The following TRMT9B variants were observed in gnomAD, a reference collection of about 807,000 sequenced individuals.
TRMT9B encodes the protein tRNA methyltransferase 9B (putative), also known as probable tRNA methyltransferase 9B.
Under a neutral mutation model 11.5 loss-of-function variants are expected in TRMT9B, and 16 were observed. That is an observed-to-expected ratio of 1.39 (90% CI 0.94 to 2.11). The LOEUF (loss-of-function observed/expected upper bound fraction) is 2.11, where lower values mean the gene tolerates loss of function less well. Among genes scored for constraint, TRMT9B ranks in the 30% most tolerant of loss-of-function variants. The probability of loss-of-function intolerance (pLI) is 0.00; values close to 1 mark genes in which losing one functional copy is unlikely to be tolerated. For synonymous variants in TRMT9B, 274 were observed against 192.4 expected, an observed-to-expected ratio of 1.42 and a Z score of -3.51; for missense variants, 941 against 553.8, an observed-to-expected ratio of 1.70 and a Z score of -7.02.
intron 4 of TRMT9B, among the ~76,000 whole-genome samples, chr8:13,018,791 C>G (rs944008198): frequency 1.3e-5 from 2 of 152,200 alleles, no homozygotes; most frequent in African/African-American, 4.8e-5. Context: ...ACGAAGTTAT[C>G]TAACTCGTAT....
At position 13,024,959 on chromosome 8, in the gene TRMT9B, A is replaced by G. The variant is rs1814513905; in HGVS notation, c.*2915A>G. ...ACTAATGTAAACGTCTTGATCATTTAAAAAGCTTGCTTGTCCTCGAAAGGA... is the reference window on the plus strand; with the variant it reads ...ACTAATGTAAACGTCTTGATCATTTGAAAAGCTTGCTTGTCCTCGAAAGGA... On this transcript the variant is annotated 3_prime_UTR_variant, in exon 5 of 5. Transcript: ENST00000524591. 1 of 167,070 alleles carries G rather than the reference A, an allele frequency of 6.0e-6. No homozygotes were observed. The highest frequency in any genetic ancestry group is 2.4e-5 in the African/African-American group (1 of 41,444). The allele number at this position is 167,070 out of a possible 1,614,324, so 10.3% of individuals were successfully genotyped here.
intron 1 of TRMT9B, among the ~76,000 whole-genome samples, chr8:12,956,755 G>T (rs1401651614): frequency 3.3e-5 from 5 of 152,168 alleles, no homozygotes; most frequent in African/African-American, 9.7e-5. Context: ...TACAGAAATA[G>T]ACATGACTTG....
At chr8:12,967,580 A>G (rs144830546) in intron 1 of TRMT9B, among the ~76,000 whole-genome samples, 4,094 of 152,324 alleles carry the variant, frequency 0.027, 87 homozygotes, top group Middle Eastern at 0.044. Flanking sequence ...TTTCTCCACC[A>G]ATGAACTAAT....
chr8:12,959,446 G>A (rs1168907658), intron 1 of TRMT9B, among the ~76,000 whole-genome samples: 1 of 149,900 alleles, frequency 6.7e-6, no homozygotes, highest in Non-Finnish European at 1.5e-5. Flanking sequence ...TGCCACAACT[G>A]GAAACACTTC....
chr8:12,958,932 C>G (rs569396176), intron 1 of TRMT9B, among the ~76,000 whole-genome samples: 1 of 151,900 alleles, frequency 6.6e-6, no homozygotes, highest in African/African-American at 2.4e-5. Flanking sequence ...CATCACACAC[C>G]GGGGCTTGTC....
chr8:12,981,492 C>G (rs866385032), intron 1 of TRMT9B, among the ~76,000 whole-genome samples: 3 of 152,194 alleles, frequency 2.0e-5, no homozygotes, highest in Non-Finnish European at 4.4e-5. Context: ...AGTGTGACGG[C>G]ACGGAGCATT....
At chr8:12,993,904 C>T (rs550648939) in intron 2 of TRMT9B, among the ~76,000 whole-genome samples, 12 of 152,192 alleles carry the variant, frequency 7.9e-5, no homozygotes, top group Admixed American at 1.3e-4. Flanking sequence ...GTAGCTGGCA[C>T]AATAAAAGGA....
At chr8:12,999,606 T>G (rs1809025884) in intron 2 of TRMT9B, among the ~76,000 whole-genome samples, 1 of 152,212 alleles carries the variant, frequency 6.6e-6, no homozygotes. Flanking sequence ...ACTAAACGTA[T>G]TTAGACCTAT....
chr8:12,980,193 C>G (rs979365217), intron 1 of TRMT9B, among the ~76,000 whole-genome samples: 1 of 152,048 alleles, frequency 6.6e-6, no homozygotes, highest in African/African-American at 2.4e-5. Context: ...GGGCCTGCTC[C>G]CTTTGAATTC....
At position 13,021,298 on chromosome 8, in the gene TRMT9B, T is replaced by A. The variant is rs3739310; in HGVS notation, c.619T>A (p.Cys207Ser). ...CTGTTCTGTTTGTTTTAAAGAGCAG[T>A]GTGGTTCAAAACGGTCCCACAGCGT... The part of the protein sequence containing the change: ...CSCSVCFKEQ[C>S]GSKRSHSVGY... Residue 207 changes from cysteine to serine, a missense_variant, in exon 5 of 5, where the codon TGT becomes AGT. Cys to Ser is a moderately radical substitution (Grantham distance 112, BLOSUM62 -1). Transcript: ENST00000524591. The A allele has an allele frequency of 2.5e-6, 4 of 1,613,820 alleles. No individual in the cohort carries two copies. The highest frequency in any genetic ancestry group is 2.2e-5 in the South Asian group (2 of 91,082).
intron 1 of TRMT9B, among the ~76,000 whole-genome samples, chr8:12,976,907 G>C (rs938180697): frequency 6.6e-6 from 1 of 152,130 alleles, no homozygotes; most frequent in African/African-American, 2.4e-5. Context: ...ATCTGGGAGG[G>C]AGTTGGGGTA....
rs1219361639 is a variant in TRMT9B, at chr8:13,012,669, GT to G, written c.155-10del. On this transcript the variant is annotated splice_polypyrimidine_tract_variant and intron_variant, in intron 3 of 4. Coordinates refer to ENST00000524591, the MANE Select transcript of TRMT9B (RefSeq NM_020844.3). ...CCATTGAGGATAGCATGTAACGCAG[GT>G]TTTTCTCTTATAGGTTGTGGGACTG... 6.2e-7 allele frequency: 1 copy of G among 1,600,796 alleles called. No homozygotes were observed. The highest frequency in any genetic ancestry group is 8.5e-7 in the Non-Finnish European group (1 of 1,172,144).
chr8:12,964,855 G>C (rs116429358), intron 1 of TRMT9B, among the ~76,000 whole-genome samples: 261 of 152,256 alleles, frequency 1.7e-3, no homozygotes, highest in African/African-American at 6.1e-3. Flanking sequence ...GCCTCCCAAA[G>C]TGCTGGGATT....
intron 4 of TRMT9B, among the ~76,000 whole-genome samples, chr8:13,013,906 A>G (rs2460919): frequency 1 from 151,629 of 152,280 alleles, 75,490 homozygotes; most frequent in Middle Eastern, 1. Flanking sequence ...CTGAGATCAC[A>G]CCACTGCACT....
rs2128903984 is a variant in TRMT9B at position 13,022,324 on chromosome 8, A to G, written c.*280A>G. 3.3e-6 allele frequency: 1 copy of G among 306,690 alleles called. No homozygotes were observed. The highest frequency in any genetic ancestry group is 4.8e-5 in the Admixed American group (1 of 20,634). The allele number at this position is 306,690 out of a possible 1,614,324, so 19.0% of individuals were successfully genotyped here. A position where few individuals can be genotyped will look rare whatever the true frequency, so the allele number is the denominator to read the frequency against. ...TCAGTACACCTCAGACTTTTTTTTA[A>G]CCCCAGAGAGATAAAATACATGTAT... On this transcript the variant is annotated 3_prime_UTR_variant, in exon 5 of 5. Coordinates refer to ENST00000524591, the MANE Select transcript of TRMT9B (RefSeq NM_020844.3).
intron 1 of TRMT9B, among the ~76,000 whole-genome samples, chr8:12,983,278 C>G (rs1346670867): frequency 4.0e-5 from 6 of 151,440 alleles, no homozygotes; most frequent in Non-Finnish European, 7.4e-5. Context: ...AGCCATAACA[C>G]AAGAAATCAT....
At chr8:12,987,314 A>T (rs574744106) in intron 1 of TRMT9B, among the ~76,000 whole-genome samples, 41 of 152,336 alleles carry the variant, frequency 2.7e-4, no homozygotes, top group African/African-American at 9.9e-4. Context: ...GGCCCATAGC[A>T]AATAATTAAT....
At chr8:13,002,842 G>C (rs1340458839) in intron 2 of TRMT9B, among the ~76,000 whole-genome samples, 1 of 152,162 alleles carries the variant, frequency 6.6e-6, no homozygotes, top group Admixed American at 6.5e-5. Context: ...CCAGGATAGG[G>C]GTAGAGGTGC....
Position 13,022,103 on chromosome 8 carries a change from A to G in TRMT9B, c.*59A>G, listed in dbSNP as rs940257958. The G allele has an allele frequency of 1.0e-5, 13 of 1,247,200 alleles. No homozygotes were observed. In the Middle Eastern group the frequency reaches 5.8e-4, roughly 56 times the overall value. The allele number at this position is 1,247,200 out of a possible 1,614,324, so 77.3% of individuals were successfully genotyped here. The stretch of plus-strand genomic sequence containing the variant: ...AACCACATTCTTTCCTCTTGGTTTG[A>G]TATGGTTACCTGAATTTGCATTCAG... On this transcript the variant is annotated 3_prime_UTR_variant, in exon 5 of 5. Transcript: ENST00000524591.
Sources: gnomAD v4.1 joint callset for allele counts (sites outside exome capture counted in the v4.1 genomes callset) on GRCh38, gnomAD v4.1.1 for gene constraint, MANE v1.5 for transcripts, NCBI Gene and HGNC (gene_info 2026-07-23, HGNC 2026-07-21) for gene names.